Variants in RPS6KC1 observed in about 807,000 individuals in gnomAD.
RPS6KC1 encodes the protein ribosomal protein S6 kinase C1, also known as inactive ribosomal protein S6 kinase delta-1.
A neutral mutation model predicts 103.8 loss-of-function variants in RPS6KC1; 54 were observed. The observed-to-expected ratio is 0.52, with a 90% CI of 0.42 to 0.65. The LOEUF (loss-of-function observed/expected upper bound fraction) is 0.65, where lower values mean the gene tolerates loss of function less well. RPS6KC1 is among the 30% of genes least tolerant of loss of function. RPS6KC1 has a pLI of 0.00. For synonymous variants in RPS6KC1, 439 were observed against 438.7 expected (o/e 1.00, Z -0.01); for missense variants, 1,151 against 1,253.8 (o/e 0.92, Z 1.24).
At chr1:213,214,531 G>A (rs1350947716) in intron 8 of RPS6KC1, among the ~76,000 whole-genome samples, 1 of 152,202 alleles carries the variant, frequency 6.6e-6, no homozygotes, top group Non-Finnish European at 1.5e-5. Flanking sequence ...GAGAGTAGTG[G>A]TTCTCCCAGC....
At chr1:213,206,983 C>T (rs752010004) in intron 8 of RPS6KC1, among the ~76,000 whole-genome samples, 13 of 152,204 alleles carry the variant, frequency 8.5e-5, no homozygotes, top group South Asian at 2.1e-4. Context: ...TGCTGCTGTG[C>T]GCCTGTAATC....
chr1:213,715,699 T>A, the RPS6KC1 span, among the ~76,000 whole-genome samples: 1 of 152,230 alleles, frequency 6.6e-6, no homozygotes, highest in Non-Finnish European at 1.5e-5. Context: ...CCAGCCTGGA[T>A]CCCAGTAATG....
intron 1 of RPS6KC1, among the ~76,000 whole-genome samples, chr1:213,053,504 G>A (rs1437044314): frequency 6.6e-6 from 1 of 152,176 alleles, no homozygotes; most frequent in Admixed American, 6.5e-5. Flanking sequence ...ATAAAGCAGG[G>A]ATCTTTATTC....
intron 1 of RPS6KC1, among the ~76,000 whole-genome samples, chr1:213,056,941 T>C (rs1420567015): frequency 6.6e-6 from 1 of 151,782 alleles, no homozygotes. Context: ...CCTCTTCTGA[T>C]GGCAGACTCT....
intron 1 of RPS6KC1, among the ~76,000 whole-genome samples, chr1:213,054,777 G>T (rs915837708): frequency 3.3e-5 from 5 of 152,166 alleles, no homozygotes; most frequent in Admixed American, 2.0e-4. Context: ...AACAGATTCT[G>T]CAGTTAAACT....
At chr1:213,811,337 T>C in the RPS6KC1 span, among the ~76,000 whole-genome samples, 1 of 152,178 alleles carries the variant, frequency 6.6e-6, no homozygotes, top group Non-Finnish European at 1.5e-5. Context: ...CACCAGGACA[T>C]GGGCTTTTCC....
the RPS6KC1 span, among the ~76,000 whole-genome samples, chr1:213,833,191 C>T: frequency 6.6e-6 from 1 of 152,192 alleles, no homozygotes; most frequent in Non-Finnish European, 1.5e-5. Context: ...CAAAGCATGA[C>T]CACTTTCTTC....
chr1:213,618,581 A>G, the RPS6KC1 span, among the ~76,000 whole-genome samples: 1 of 152,212 alleles, frequency 6.6e-6, no homozygotes, highest in Non-Finnish European at 1.5e-5. Context: ...AATCACTAGA[A>G]TGAGTATTAT....
intron 6 of RPS6KC1, among the ~76,000 whole-genome samples, chr1:213,160,165 G>A (rs2090322642): frequency 6.6e-6 from 1 of 152,180 alleles, no homozygotes; most frequent in African/African-American, 2.4e-5. Flanking sequence ...GAAGCATACT[G>A]TGTTGCCGTT....
chr1:213,355,156 G>T, the RPS6KC1 span, among the ~76,000 whole-genome samples: 67 of 152,202 alleles, frequency 4.4e-4, no homozygotes, highest in Non-Finnish European at 7.5e-4. Context: ...GACAGAGGTT[G>T]CAGTGAACTG....
the RPS6KC1 span, among the ~76,000 whole-genome samples, chr1:213,485,103 C>G: frequency 6.6e-6 from 1 of 152,088 alleles, no homozygotes; most frequent in Admixed American, 6.6e-5. Flanking sequence ...TGGGCTCAAG[C>G]AATCCTCCCA....
At chr1:213,186,363 G>A (rs2092531841) in intron 8 of RPS6KC1, among the ~76,000 whole-genome samples, 1 of 151,870 alleles carries the variant, frequency 6.6e-6, no homozygotes, top group Admixed American at 6.6e-5. Context: ...TTCTCGGATG[G>A]CAGTTTTATT....
the RPS6KC1 span, among the ~76,000 whole-genome samples, chr1:213,737,109 G>A: frequency 7.2e-5 from 11 of 152,180 alleles, no homozygotes; most frequent in Non-Finnish European, 1.5e-4. Flanking sequence ...ATGGCCACAG[G>A]TTGATACCTT....
At position 213,235,967 on chromosome 1, in the gene RPS6KC1, C is replaced by T. The variant is rs372099411; in HGVS notation, c.1225+3712C>T. Among the ~76,000 whole-genome samples the T allele has an allele frequency of 3.6e-4, 54 of 150,738 alleles. 2 individuals are homozygous for T. The East Asian group carries it at 5.9e-3, about 16-fold the overall frequency. On this transcript the variant is annotated intron_variant, in intron 10 of 14. Coordinates refer to ENST00000366960, the MANE Select transcript of RPS6KC1 (RefSeq NM_012424.6). ...TATTAGTGTGTAGGTCAGGGGTCTC[C>T]GGGCCACAGACGGGTACCTGGAGGT... is the stretch of plus-strand genomic sequence containing the variant.
chr1:213,301,698 CTTATTTAT>C, the RPS6KC1 span, among the ~76,000 whole-genome samples: 6,729 of 141,118 alleles, frequency 0.048, 214 homozygotes, highest in African/African-American at 0.067. Context: ...GACCCATTTA[CTTATTTAT>C]TTATTTATTT....
the RPS6KC1 span, among the ~76,000 whole-genome samples, chr1:213,431,869 A>C: frequency 6.6e-6 from 1 of 152,220 alleles, no homozygotes; most frequent in Admixed American, 6.5e-5. Context: ...CAGATCTATT[A>C]TAATGAAGAT....
At chr1:213,309,345 A>G in the RPS6KC1 span, among the ~76,000 whole-genome samples, 1 of 152,170 alleles carries the variant, frequency 6.6e-6, no homozygotes, top group Non-Finnish European at 1.5e-5. Context: ...TGAAGAAGAC[A>G]AATGGAAATG....
chr1:213,564,468 A>G, the RPS6KC1 span, among the ~76,000 whole-genome samples: 1 of 152,176 alleles, frequency 6.6e-6, no homozygotes, highest in Non-Finnish European at 1.5e-5. Flanking sequence ...TCCTTCTGGT[A>G]TTCTGTTTTA....
the RPS6KC1 span, among the ~76,000 whole-genome samples, chr1:213,673,448 G>C: frequency 6.6e-6 from 1 of 152,218 alleles, no homozygotes; most frequent in Non-Finnish European, 1.5e-5. Flanking sequence ...AGATACTGCA[G>C]TGGACGTTAG....
Sources: gnomAD v4.1 joint callset for allele counts (sites outside exome capture counted in the v4.1 genomes callset) on GRCh38, gnomAD v4.1.1 for gene constraint, MANE v1.5 for transcripts, NCBI Gene and HGNC (gene_info 2026-07-23, HGNC 2026-07-21) for gene names.